The following MAN1A2 variants were observed in gnomAD, a reference collection of about 807,000 sequenced individuals.
MAN1A2 encodes mannosyl-oligosaccharide 1,2-alpha-mannosidase IB.
In MAN1A2, 26 loss-of-function variants were observed where a neutral mutation model predicts 75.7. The observed-to-expected ratio is 0.34, with a 90% CI of 0.25 to 0.48. The LOEUF is 0.48. MAN1A2 is among the 20% of genes least tolerant of loss of function. MAN1A2 has a pLI of 0.99. For missense variants in MAN1A2, 562 were observed against 775.5 expected (o/e 0.72, Z 3.27); for synonymous variants, 247 against 264.6 (o/e 0.93, Z 0.65).
At chr1:117,418,581 T>C (rs1400235366) in intron 4 of MAN1A2, among the ~76,000 whole-genome samples, 1 of 152,188 alleles carries the variant, frequency 6.6e-6, no homozygotes, top group African/African-American at 2.4e-5. Context: ...CTTGTTTTAA[T>C]ATTTTATTTT....
chr1:117,463,198 A>C (rs1319861616), intron 7 of MAN1A2, among the ~76,000 whole-genome samples: 1 of 151,856 alleles, frequency 6.6e-6, no homozygotes, highest in Non-Finnish European at 1.5e-5. Context: ...AAAAGAAGGA[A>C]AAAATGTAAC....
At chr1:117,402,676 G>A (rs1226681462) in intron 2 of MAN1A2, among the ~76,000 whole-genome samples, 1 of 151,242 alleles carries the variant, frequency 6.6e-6, no homozygotes, top group Admixed American at 6.6e-5. Flanking sequence ...TGGATGGTTA[G>A]TGCCACTCAT....
At chr1:117,449,343 G>T (rs1649334421) in intron 6 of MAN1A2, among the ~76,000 whole-genome samples, 1 of 152,100 alleles carries the variant, frequency 6.6e-6, no homozygotes, top group African/African-American at 2.4e-5. Context: ...CAGATTGCTT[G>T]AGCCTAGGAG....
intron 1 of MAN1A2, among the ~76,000 whole-genome samples, chr1:117,392,960 C>G (rs1357975160): frequency 1.3e-5 from 2 of 152,202 alleles, no homozygotes; most frequent in African/African-American, 2.4e-5. Flanking sequence ...TGTGGCCAAC[C>G]AATTCATATT....
intron 12 of MAN1A2, among the ~76,000 whole-genome samples, chr1:117,519,693 T>C (rs1336052231): frequency 6.6e-6 from 1 of 151,616 alleles, no homozygotes; most frequent in East Asian, 1.9e-4. Context: ...ATTTAACAAT[T>C]ACCAACAAAA....
chr1:117,458,510 TAG>T (rs200475831), intron 6 of MAN1A2, among the ~76,000 whole-genome samples: 1,222 of 94,600 alleles, frequency 0.013, 14 homozygotes, highest in South Asian at 0.051. Context: ...TATATATATA[TAG>T]ATATATATAT....
intron 6 of MAN1A2, among the ~76,000 whole-genome samples, chr1:117,445,441 A>G (rs1414480657): frequency 6.6e-6 from 1 of 152,170 alleles, no homozygotes; most frequent in Non-Finnish European, 1.5e-5. Flanking sequence ...ACTGTTTGAT[A>G]GATAGACCTA....
chr1:117,477,406 G>A (rs1004696248), intron 8 of MAN1A2, among the ~76,000 whole-genome samples: 4 of 151,876 alleles, frequency 2.6e-5, no homozygotes, highest in Admixed American at 6.6e-5. Context: ...CTGGCAAACC[G>A]AATCCAGCAG....
intron 8 of MAN1A2, among the ~76,000 whole-genome samples, chr1:117,486,277 C>T (rs1044465750): frequency 1.3e-5 from 2 of 151,746 alleles, no homozygotes; most frequent in African/African-American, 2.4e-5. Flanking sequence ...GTAGTTACCC[C>T]AAAAGTTAAG....
chr1:117,501,009 G>T (rs767157992), intron 11 of MAN1A2, among the ~76,000 whole-genome samples: 2 of 151,786 alleles, frequency 1.3e-5, no homozygotes, highest in Non-Finnish European at 2.9e-5. Flanking sequence ...TCTGAATCAC[G>T]TGAGGAGTGG....
At chr1:117,438,108 G>T (rs930612949) in intron 5 of MAN1A2, among the ~76,000 whole-genome samples, 3 of 152,154 alleles carry the variant, frequency 2.0e-5, no homozygotes, top group African/African-American at 7.2e-5. Flanking sequence ...ACATAACTGT[G>T]TTTCAGTCAA....
At chr1:117,388,339 A>G (rs1224849331) in intron 1 of MAN1A2, among the ~76,000 whole-genome samples, 1 of 152,152 alleles carries the variant, frequency 6.6e-6, no homozygotes, top group Non-Finnish European at 1.5e-5. Context: ...ATATGTAGGC[A>G]GGGGAGACAT....
intron 2 of MAN1A2, among the ~76,000 whole-genome samples, chr1:117,403,526 T>TTG (rs1300802171): frequency 6.6e-6 from 1 of 152,214 alleles, no homozygotes; most frequent in Non-Finnish European, 1.5e-5. Flanking sequence ...TAACCATGTG[T>TTG]GTTCAGGGGA....
At chr1:117,520,490 G>A (rs1182043431) in intron 12 of MAN1A2, among the ~76,000 whole-genome samples, 1 of 152,046 alleles carries the variant, frequency 6.6e-6, no homozygotes, top group Non-Finnish European at 1.5e-5. Context: ...CAAAATTAAT[G>A]TACACAAATC....
At chr1:117,472,884 G>T (rs992786651) in intron 8 of MAN1A2, among the ~76,000 whole-genome samples, 1 of 151,880 alleles carries the variant, frequency 6.6e-6, no homozygotes, top group Admixed American at 6.6e-5. Context: ...TGTGGCTCAA[G>T]ACAGTGCTTC....
chr1:117,459,641 G>A (rs114872645), intron 6 of MAN1A2, among the ~76,000 whole-genome samples: 731 of 152,104 alleles, frequency 4.8e-3, no homozygotes, highest in Non-Finnish European at 7.4e-3. Flanking sequence ...TATGTAGTTT[G>A]CCTTCAGATA....
At chr1:117,423,410 T>C (rs1051908550) in intron 5 of MAN1A2, among the ~76,000 whole-genome samples, 1 of 152,218 alleles carries the variant, frequency 6.6e-6, no homozygotes, top group Non-Finnish European at 1.5e-5. Flanking sequence ...TGTTGGTTTC[T>C]ATAAAATCTA....
chr1:117,502,821 C>T (rs370892217), intron 11 of MAN1A2, 34 bp from the exon 12 acceptor site: 13 of 1,113,278 alleles, frequency 1.2e-5, no homozygotes, highest in African/African-American at 3.1e-5. Flanking sequence ...TGAAATTCTA[C>T]GGAATTGCTT....
intron 1 of MAN1A2, among the ~76,000 whole-genome samples, chr1:117,389,781 C>T (rs1360286026): frequency 6.8e-6 from 1 of 146,732 alleles, no homozygotes; most frequent in Non-Finnish European, 1.5e-5. Flanking sequence ...GCTTTTTGTT[C>T]TTGATCTTAA....
Sources: gnomAD v4.1 joint callset for allele counts (sites outside exome capture counted in the v4.1 genomes callset) on GRCh38, gnomAD v4.1.1 for gene constraint, MANE v1.5 for transcripts, NCBI Gene and HGNC (gene_info 2026-07-23, HGNC 2026-07-21) for gene names.